Variants in IGF2R observed in about 807,000 individuals in gnomAD.
IGF2R encodes insulin like growth factor 2 receptor.
In IGF2R, 91 loss-of-function variants were observed where a neutral mutation model predicts 270.6. The observed-to-expected ratio is 0.34, with a 90% confidence interval of 0.28 to 0.40. The LOEUF (loss-of-function observed/expected upper bound fraction) is 0.40, where lower values mean the gene tolerates loss of function less well. IGF2R is among the 10% of genes least tolerant of loss of function. The pLI, the probability that IGF2R is intolerant of heterozygous loss-of-function variation, is 1.00. For missense variants in IGF2R, 2,805 were observed against 3,188.3 expected, an observed-to-expected ratio of 0.88 and a Z score of 2.90; for synonymous variants, 1,316 against 1,258.9, an observed-to-expected ratio of 1.05 and a Z score of -0.96.
chr6:160,096,790 C>G (rs546697089), intron 45 of IGF2R, among the ~76,000 whole-genome samples, 165 bp downstream of exon 45: 7 of 152,216 alleles, frequency 4.6e-5, no homozygotes, highest in African/African-American at 1.7e-4. Context: ...TGCCCCGCTC[C>G]GTTGCTTGTC....
At chr6:160,048,310 G>C in intron 17 of IGF2R, 65 bp from the exon 18 acceptor site, 1 of 1,473,820 alleles carries the variant, frequency 6.8e-7, no homozygotes, top group Non-Finnish European at 9.5e-7. Context: ...CAACTACATA[G>C]AAATAAATGA....
chr6:160,061,371 G>T (rs553405982), intron 23 of IGF2R, 132 bp from the exon 24 acceptor site: 96 of 817,694 alleles, frequency 1.2e-4, no homozygotes, highest in Middle Eastern at 3.7e-4. Context: ...TCAGCCTCCC[G>T]TGGATTTCCT....
intron 46 of IGF2R, among the ~76,000 whole-genome samples, chr6:160,103,197 C>T (rs967754716): frequency 1.3e-5 from 2 of 151,998 alleles, no homozygotes; most frequent in African/African-American, 4.8e-5. Flanking sequence ...CTGCCACTGT[C>T]ATTTGCCAGC....
chr6:160,063,863 C>T (rs1322850317), intron 27 of IGF2R, among the ~76,000 whole-genome samples: 1 of 152,130 alleles, frequency 6.6e-6, no homozygotes, highest in Admixed American at 6.5e-5. Flanking sequence ...ATGCCAGTTA[C>T]TGACTCTAAG....
At chr6:160,038,394 A>G (rs1196787701) in intron 10 of IGF2R, among the ~76,000 whole-genome samples, 1 of 152,256 alleles carries the variant, frequency 6.6e-6, no homozygotes, top group African/African-American at 2.4e-5. Flanking sequence ...TCTTTGAGGA[A>G]TTAAGTAAGA....
In IGF2R at chr6:160,089,961, C is replaced by G; in HGVS notation, c.6513C>G (p.Tyr2171Ter). Residue 2171 changes from tyrosine to a stop codon, truncating the protein, a stop_gained, in exon 44 of 48, where the codon TAC becomes TAG. Coordinates refer to ENST00000356956, the MANE Select transcript of IGF2R (RefSeq NM_000876.4). LOFTEE classifies it high-confidence loss of function. ...SGDMRTNGDN[Y>*]LYEIQLSSIT... ...ACATGAGGACCAATGGGGACAACTACCTGTATGAGATCCAACTTTCCTCCA... is the reference window on the plus strand; with the variant it reads ...ACATGAGGACCAATGGGGACAACTAGCTGTATGAGATCCAACTTTCCTCCA... 1 of 1,607,190 alleles carries G rather than the reference C, an allele frequency of 6.2e-7. No homozygotes were observed. Among genetic ancestry groups the G allele is most frequent in the Non-Finnish European group, 8.5e-7 (1 of 1,176,996 alleles).
At chr6:160,104,127 C>CA (rs1220504943) in intron 47 of IGF2R, among the ~76,000 whole-genome samples, 1 of 151,658 alleles carries the variant, frequency 6.6e-6, no homozygotes, top group African/African-American at 2.4e-5. Context: ...GATAGTTGTG[C>CA]ATGTAGCATT....
At chr6:160,061,159 A>G (rs1778430874) in intron 23 of IGF2R, among the ~76,000 whole-genome samples, 1 of 152,252 alleles carries the variant, frequency 6.6e-6, no homozygotes, top group South Asian at 2.1e-4. Flanking sequence ...CTTCCTTGTC[A>G]AGGGCAGTGG....
At chr6:159,991,546 A>G (rs113808848) in intron 2 of IGF2R, among the ~76,000 whole-genome samples, 25 of 152,350 alleles carry the variant, frequency 1.6e-4, no homozygotes, top group African/African-American at 5.5e-4. Context: ...AGTGGATACT[A>G]TACAGACAGC....
rs563539529 is a variant in IGF2R at position 160,060,460 on chromosome 6, A to G, written c.3092-87A>G. ...GGCTGTGAAGCTTGTTGCCAGTGGCAGCCTTGTCCTGTTGCTGCACTGTGC... is the reference window on the plus strand; with the variant it reads ...GGCTGTGAAGCTTGTTGCCAGTGGCGGCCTTGTCCTGTTGCTGCACTGTGC... On this transcript the variant is annotated intron_variant, in intron 22 of 47. Transcript: ENST00000356956. 217 of 1,328,732 alleles carry G rather than the reference A, an allele frequency of 1.6e-4. No homozygotes were observed. The African/African-American group carries it at 2.9e-3, about 18-fold the overall frequency. The allele number at this position is 1,328,732 out of a possible 1,614,324, so 82.3% of individuals were successfully genotyped here. A position where few individuals can be genotyped will look rare whatever the true frequency, so the allele number is the denominator to read the frequency against.
chr6:160,040,958 G>A (rs1777932558), intron 11 of IGF2R, among the ~76,000 whole-genome samples: 1 of 152,192 alleles, frequency 6.6e-6, no homozygotes, highest in African/African-American at 2.4e-5. Flanking sequence ...TTTACACACT[G>A]CCTCTCTTCC....
chr6:160,035,409 G>A (rs541373683), intron 10 of IGF2R, among the ~76,000 whole-genome samples: 1 of 152,292 alleles, frequency 6.6e-6, no homozygotes, highest in South Asian at 2.1e-4. Flanking sequence ...CCATGCTCTC[G>A]AAGCCTCCGG....
intron 4 of IGF2R, among the ~76,000 whole-genome samples, chr6:160,012,113 T>C (rs116897073): frequency 2.2e-3 from 342 of 152,066 alleles, no homozygotes; most frequent in Admixed American, 5.4e-3. Flanking sequence ...GGTAAAATAC[T>C]GCCCAGGAAA....
rs1235541756 is a variant in IGF2R at position 159,969,090 on chromosome 6, C to T, written c.-157C>T. The T allele has an allele frequency of 1.1e-5, 3 of 262,822 alleles. No individual in the cohort carries two copies. The East Asian group carries it at 5.5e-4, about 48-fold the overall frequency. 16.3% of individuals were successfully genotyped at this position (262,822 alleles called of 1,614,324 possible). On this transcript the variant is annotated 5_prime_UTR_variant, in exon 1 of 48. Coordinates refer to ENST00000356956, the MANE Select transcript of IGF2R (RefSeq NM_000876.4). ...GTTCCGGGGCCGCCGCTGCCGCTGTCGCTGTCGCCGAGCCCAGTCGAGCCG... is the reference window on the plus strand; with the variant it reads ...GTTCCGGGGCCGCCGCTGCCGCTGTTGCTGTCGCCGAGCCCAGTCGAGCCG...
intron 19 of IGF2R, among the ~76,000 whole-genome samples, chr6:160,054,198 A>G (rs1583281984): frequency 6.6e-6 from 1 of 152,252 alleles, no homozygotes; most frequent in Admixed American, 6.5e-5. Flanking sequence ...TGAACAGGTT[A>G]GTCAAGTATA....
intron 1 of IGF2R, among the ~76,000 whole-genome samples, chr6:159,974,343 A>G (rs745850400): frequency 2.0e-5 from 3 of 152,170 alleles, no homozygotes; most frequent in Non-Finnish European, 4.4e-5. Context: ...TCCTTTAAAA[A>G]TCATATTTTG....
intron 21 of IGF2R, among the ~76,000 whole-genome samples, chr6:160,058,373 C>T (rs1354286073): frequency 6.6e-6 from 1 of 152,170 alleles, no homozygotes; most frequent in African/African-American, 2.4e-5. Context: ...TAAGGAAACA[C>T]TTTCTAAAGG....
intron 45 of IGF2R, among the ~76,000 whole-genome samples, chr6:160,098,581 G>C (rs185885190): frequency 1.1e-4 from 17 of 152,306 alleles, no homozygotes; most frequent in African/African-American, 4.1e-4. Context: ...CATTTTGGGA[G>C]GCTAAGGTGG....
At chr6:159,975,105 G>T (rs2115166732) in intron 1 of IGF2R, among the ~76,000 whole-genome samples, 1 of 152,192 alleles carries the variant, frequency 6.6e-6, no homozygotes, top group East Asian at 1.9e-4. Context: ...CACAGGTTTG[G>T]GGCTCAGTTC....
Sources: gnomAD v4.1 joint callset for allele counts (sites outside exome capture counted in the v4.1 genomes callset) on GRCh38, gnomAD v4.1.1 for gene constraint, MANE v1.5 for transcripts, NCBI Gene and HGNC (gene_info 2026-07-23, HGNC 2026-07-21) for gene names.